The following GRHL3 variants were observed in gnomAD, a reference collection of about 807,000 sequenced individuals.
The protein encoded by GRHL3 is grainyhead like transcription factor 3, also known as grainyhead-like protein 3 homolog.
Under a neutral mutation model 70.3 loss-of-function variants are expected in GRHL3, and 20 were observed. The observed-to-expected ratio is 0.28, with a 90% confidence interval of 0.20 to 0.41. GRHL3 has a LOEUF of 0.41. GRHL3 is among the 10% of genes least tolerant of loss of function. GRHL3 has a pLI of 1.00. For synonymous variants in GRHL3, 299 were observed against 299.9 expected (o/e 1.00, Z 0.03); for missense variants, 637 against 762.3 (o/e 0.84, Z 1.94).
intron 7 of GRHL3, among the ~76,000 whole-genome samples, chr1:24,339,310 C>G (rs894629043): frequency 6.6e-6 from 1 of 150,930 alleles, no homozygotes; most frequent in Non-Finnish European, 1.5e-5. Context: ...GAGTCTCGCT[C>G]TCTCACCCAG....
intron 8 of GRHL3, 77 bp downstream of exon 8, chr1:24,339,839 A>T: frequency 1.1e-6 from 1 of 890,834 alleles, no homozygotes; most frequent in Non-Finnish European, 1.8e-6. Context: ...GCTTTCTTGC[A>T]CCTAGGATAG....
intron 15 of GRHL3, among the ~76,000 whole-genome samples, chr1:24,352,945 G>T (rs1557707097): frequency 6.6e-6 from 1 of 152,208 alleles, no homozygotes; most frequent in Non-Finnish European, 1.5e-5. Flanking sequence ...CATGCCTTCG[G>T]GTCCATGTTG....
chr1:24,322,973 C>A lies in GRHL3; in HGVS notation c.17+3405C>A. The A allele has an allele frequency of 1.1e-6, 1 of 933,900 alleles. No individual in the cohort carries two copies. The highest frequency in any genetic ancestry group is 1.7e-6 in the Non-Finnish European group (1 of 603,740). 57.9% of individuals were successfully genotyped at this position (933,900 alleles called of 1,614,324 possible). On this transcript the variant is annotated intron_variant, in intron 1 of 15. Transcript: ENST00000361548. The surrounding 1 kb of genome is among the most constrained non-coding windows in gnomAD (Gnocchi z 4.4). ...CTCACGGAAGCACTGGGATCTTAACCGGGTCTTAGCCGAGCAGCCATAGGC... is the reference window on the plus strand; with the variant it reads ...CTCACGGAAGCACTGGGATCTTAACAGGGTCTTAGCCGAGCAGCCATAGGC...
intron 11 of GRHL3, among the ~76,000 whole-genome samples, chr1:24,343,939 T>C (rs12064986): frequency 0.1 from 15,743 of 152,194 alleles, 949 homozygotes; most frequent in Non-Finnish European, 0.14. Context: ...ACTGTCTGTG[T>C]CCCTCCTCTC....
At chr1:24,353,055 T>G (rs1418031932) in intron 15 of GRHL3, among the ~76,000 whole-genome samples, 1 of 152,240 alleles carries the variant, frequency 6.6e-6, no homozygotes, top group Non-Finnish European at 1.5e-5. Context: ...ATCTGCTGCT[T>G]CTTAACTTGT....
downstream of GRHL3, chr1:24,357,978 C>T (rs143689091): frequency 1.4e-3 from 484 of 350,434 alleles, 2 homozygotes; most frequent in African/African-American, 9.3e-3. Context: ...CAGGTGGTCA[C>T]TTTAGAAAGG....
At position 24,346,100 on chromosome 1, in the gene GRHL3, C is replaced by T. The variant is rs867939113; in HGVS notation, c.1455-453C>T. On this transcript the variant is annotated intron_variant, in intron 12 of 15. Transcript: ENST00000361548. ...GACTGGACCCCAAGCCTGTCTTACTCCAAAGCCCCCAGTCCTTCCACCCCC... is the reference window on the plus strand; with the variant it reads ...GACTGGACCCCAAGCCTGTCTTACTTCAAAGCCCCCAGTCCTTCCACCCCC... 7.9e-5 allele frequency among the ~76,000 whole-genome samples: 12 copies of T among 151,948 alleles called. No individual in the cohort carries two copies. In the South Asian group the frequency reaches 2.5e-3, roughly 32 times the overall value.
At position 24,334,547 on chromosome 1, in the gene GRHL3, A is replaced by T. The variant is rs1488821276; in HGVS notation, c.205-98A>T. ...GGGACACAGCCGAACCATATCACCA[A>T]AGTTACTCCCCTGCCTGGCCAAAGC... On this transcript the variant is annotated intron_variant, in intron 2 of 15. Transcript: ENST00000361548. The surrounding 1 kb of genome is among the most constrained non-coding windows in gnomAD (Gnocchi z 4.3). 1.1e-6 allele frequency: 1 copy of T among 875,728 alleles called. No individual in the cohort carries two copies. Among genetic ancestry groups the T allele is most frequent in the Non-Finnish European group, 1.9e-6 (1 of 527,850 alleles). 54.2% of individuals were successfully genotyped at this position (875,728 alleles called of 1,614,324 possible).
chr1:24,335,584 A>T (rs1569876929), intron 3 of GRHL3, among the ~76,000 whole-genome samples: 1 of 142,896 alleles, frequency 7.0e-6, no homozygotes. Context: ...CTCAAAACTA[A>T]TTTTTTTTTT....
Position 24,342,292 on chromosome 1 carries a change from C to T in GRHL3, c.1206+19C>T, listed in dbSNP as rs759155397. 1.9e-6 allele frequency: 3 copies of T among 1,578,310 alleles called. No homozygotes were observed. In the Admixed American group the frequency reaches 5.3e-5, roughly 28 times the overall value. On this transcript the variant is annotated intron_variant, in intron 9 of 15. Coordinates refer to ENST00000361548, the MANE Select transcript of GRHL3 (RefSeq NM_198173.3). The surrounding 1 kb of genome is among the most constrained non-coding windows in gnomAD (Gnocchi z 4.8). ...TGACAAGGTGGCTGGACTGGGCAGA[C>T]CCTATACTGGGTCCCGGGGAGGTAG...
Position 24,355,117 on chromosome 1 carries a change from C to T in GRHL3, c.*629C>T, listed in dbSNP as rs1640665897. 6.6e-6 allele frequency: 1 copy of T among 152,180 alleles called. No individual in the cohort carries two copies. Among genetic ancestry groups the T allele is most frequent in the Admixed American group, 6.6e-5 (1 of 15,240 alleles). The allele number at this position is 152,180 out of a possible 1,614,324, so 9.4% of individuals were successfully genotyped here. On this transcript the variant is annotated 3_prime_UTR_variant, in exon 16 of 16. Transcript: ENST00000361548. ...CACTGTTGTATACATTTCTTATTTA[C>T]GATTTTCATTTGTTATATATATATA...
chr1:24,358,236 T>C (rs961413923), downstream of GRHL3: 7 of 594,568 alleles, frequency 1.2e-5, no homozygotes, highest in South Asian at 1.5e-5. Flanking sequence ...CGGCAGGGAG[T>C]CGTGCCGGAA....
At chr1:24,337,867 T>C in intron 6 of GRHL3, 78 bp downstream of exon 6, 2 of 1,593,122 alleles carry the variant, frequency 1.3e-6, no homozygotes, top group South Asian at 1.1e-5. Flanking sequence ...CCACGGACCC[T>C]GGGGAAAGGC....
intron 14 of GRHL3, among the ~76,000 whole-genome samples, chr1:24,349,752 A>G (rs941735426): frequency 6.6e-6 from 1 of 152,224 alleles, no homozygotes. Flanking sequence ...TTGTTGTGAC[A>G]TAGGAAGGCT....
At chr1:24,343,910 C>T (rs1227820146) in intron 11 of GRHL3, among the ~76,000 whole-genome samples, 1 of 152,190 alleles carries the variant, frequency 6.6e-6, no homozygotes, top group East Asian at 1.9e-4. Flanking sequence ...GCTGACAGAG[C>T]TTGGCACAGG....
Position 24,322,702 on chromosome 1 carries a change from C to CCA in GRHL3, c.17+3136_17+3137dup, listed in dbSNP as rs907104984. ...GGCGGTCGGCAGAGCTCCCACTGAC[C>CCA]CACCGGAGGAGTGAAGAGGGAAAAC... On this transcript the variant is annotated intron_variant, in intron 1 of 15. Transcript: ENST00000361548. This position sits in a 1 kb window ranked among gnomAD's most constrained non-coding sequence, Gnocchi z 4.4. 2.6e-5 allele frequency among the ~76,000 whole-genome samples: 4 copies of CCA among 152,212 alleles called. No individual in the cohort carries two copies. Among genetic ancestry groups the CCA allele is most frequent in the African/African-American group, 7.2e-5 (3 of 41,454 alleles).
At chr1:24,355,887 TTTTCA>T (rs67911161), downstream of GRHL3, among the ~76,000 whole-genome samples, 18,337 of 146,570 alleles carry the variant, frequency 0.13, 1,170 homozygotes, top group Non-Finnish European at 0.15. Flanking sequence ...GCTTGCTTTC[TTTTCA>T]TTTATCTTTT....
At chr1:24,346,912 C>T (rs1640310332) in intron 13 of GRHL3, among the ~76,000 whole-genome samples, 1 of 152,046 alleles carries the variant, frequency 6.6e-6, no homozygotes, top group South Asian at 2.1e-4. Flanking sequence ...TTATGCTGGG[C>T]GAGTCCCCCC....
intron 11 of GRHL3, 102 bp downstream of exon 11, chr1:24,343,127 A>T: frequency 7.2e-7 from 1 of 1,394,528 alleles, no homozygotes; most frequent in South Asian, 1.2e-5. Context: ...CCTGCCCCTC[A>T]GCCAGTTTCA....
Sources: gnomAD v4.1 joint callset for allele counts (sites outside exome capture counted in the v4.1 genomes callset) on GRCh38, gnomAD v4.1.1 for gene constraint, Gnocchi (gnomAD v3.1) non-coding constraint, MANE v1.5 for transcripts, NCBI Gene and HGNC (gene_info 2026-07-23, HGNC 2026-07-21) for gene names.